MICAL2: variants seen among roughly 807,000 people sequenced by gnomAD.
MICAL2 encodes microtubule associated monooxygenase, calponin and LIM domain containing 2.
A neutral mutation model predicts 127.3 loss-of-function variants in MICAL2; 77 were observed. The observed-to-expected ratio is 0.60, with a 90% CI of 0.50 to 0.73. MICAL2 has a LOEUF of 0.73. Among genes scored for constraint, MICAL2 ranks in the 30% least tolerant of loss-of-function variants. The pLI is 0.00. For missense variants in MICAL2, 1,351 were observed against 1,434.4 expected (o/e 0.94, Z 0.94); for synonymous variants, 570 against 551.1 (o/e 1.03, Z -0.48).
At chr11:12,343,426 T>C (rs1234363835) in intron 32 of MICAL2, among the ~76,000 whole-genome samples, 22 of 70,402 alleles carry the variant, frequency 3.1e-4, no homozygotes, top group African/African-American at 8.8e-4. Flanking sequence ...AAAAAAAAAC[T>C]GTAGCCAATA....
intron 2 of MICAL2, among the ~76,000 whole-genome samples, chr11:12,146,655 G>A (rs940636274): frequency 2.0e-5 from 3 of 152,156 alleles, no homozygotes; most frequent in Non-Finnish European, 2.9e-5. Flanking sequence ...ACAGTGTGGC[G>A]AGTCCTCAAG....
chr11:12,260,255 C>A (rs1217919655), intron 26 of MICAL2: 4 of 1,435,840 alleles, frequency 2.8e-6, no homozygotes, highest in South Asian at 1.5e-5. Context: ...CAGGCTCTGG[C>A]CAGGAAGCCT....
rs753200392 is a variant in MICAL2, at chr11:12,241,043, C to T, written c.2218C>T (p.Arg740Cys). ...TRNPSLMKQE[R>C]RVSGIGKPVL... ...GGACTCGCCTTTCTTCTCCCAGGAA[C>T]GCCGTGTCTCAGGGATAGGTAAGCC... is the stretch of plus-strand genomic sequence containing the variant. The change falls in exon 18 of 28, where the codon CGC becomes TGC. Residue 740 changes from arginine (R) to cysteine (C), a missense_variant. Physicochemically the swap from Arg to Cys is radical, Grantham distance 180 (BLOSUM62 -3). This residue lies in a region of MICAL2 where 752 missense variants were observed against 719.4 expected (regional missense o/e 1.05). Coordinates refer to ENST00000683283, the MANE Select transcript of MICAL2 (RefSeq NM_001282663.2). 2.9e-5 allele frequency: 46 copies of T among 1,613,576 alleles called. No homozygotes were observed. Among genetic ancestry groups the T allele is most frequent in the Admixed American group, 2.8e-4 (17 of 59,914 alleles).
Position 12,131,058 on chromosome 11 carries a change from C to T in MICAL2, c.-148-7332C>T, listed in dbSNP as rs1252383184. 3.1e-5 allele frequency among the ~76,000 whole-genome samples: 3 copies of T among 97,626 alleles called. 1 individual carries two copies. The highest frequency in any genetic ancestry group is 8.7e-5 in the African/African-American group (3 of 34,680). 64.0% of individuals were successfully genotyped at this position (97,626 alleles called of 152,430 possible). A position where few individuals can be genotyped will look rare whatever the true frequency, so the allele number is the denominator to read the frequency against. ...CCTGTAATCCCAGCACTTTGGGAGG[C>T]CGAGGCGGGTGGATCATGAGGTCAG... On this transcript the variant is annotated intron_variant, in intron 1 of 27. Transcript: ENST00000683283.
intron 2 of MICAL2, among the ~76,000 whole-genome samples, chr11:12,158,692 T>C (rs1400626899): frequency 6.6e-6 from 1 of 152,222 alleles, no homozygotes; most frequent in Non-Finnish European, 1.5e-5. Flanking sequence ...TCATTTTATA[T>C]AAGGGACTTG....
intron 1 of MICAL2, among the ~76,000 whole-genome samples, chr11:12,133,969 GA>G (rs1338647227): frequency 6.6e-6 from 1 of 152,234 alleles, no homozygotes; most frequent in Non-Finnish European, 1.5e-5. Flanking sequence ...GCTGTGTGAG[GA>G]AAAGACCCCA....
intron 1 of MICAL2, among the ~76,000 whole-genome samples, chr11:12,133,543 A>C (rs1022677773): frequency 6.6e-6 from 1 of 152,088 alleles, no homozygotes; most frequent in Non-Finnish European, 1.5e-5. Context: ...CAACGATAAT[A>C]TTGTTTAGCA....
Position 12,249,234 on chromosome 11 carries a change from A to C in MICAL2, c.2835A>C (p.Thr945=). ...ATTTTCATCCCAGCCATTTGAGAAC[A>C]GTGCATCCTCAGGTGAGTTAGAGCC... The part of the protein sequence containing the change: ...GFHFHPSHLR[T]VHPQLTVGKV... The change falls in exon 22 of 28, where the codon ACA becomes ACC. Residue 945 remains threonine, a synonymous_variant. Coordinates refer to ENST00000683283, the MANE Select transcript of MICAL2 (RefSeq NM_001282663.2). 6.3e-7 allele frequency: 1 copy of C among 1,594,388 alleles called. No homozygotes were observed. The highest frequency in any genetic ancestry group is 8.6e-7 in the Non-Finnish European group (1 of 1,162,222).
chr11:12,216,371 A>G (rs1488521772), intron 8 of MICAL2, 52 bp downstream of exon 8: 1 of 1,401,718 alleles, frequency 7.1e-7, no homozygotes, highest in Non-Finnish European at 1.0e-6. Flanking sequence ...GGCTGGTGAC[A>G]TCAGCAGGTG....
At chr11:12,329,880 A>AAG (rs1555022496) in intron 32 of MICAL2, among the ~76,000 whole-genome samples, 8 of 148,812 alleles carry the variant, frequency 5.4e-5, no homozygotes, top group African/African-American at 1.7e-4. Context: ...AAAAAAAAAA[A>AAG]AAAGAAAAGA....
At position 12,117,282 on chromosome 11, in the gene MICAL2, C is replaced by T. The variant is rs143720965; in HGVS notation, c.-149+6556C>T. On this transcript the variant is annotated intron_variant, in intron 1 of 27. Transcript: ENST00000683283. Reference sequence around the variant, plus strand: ...GGGGTTGGACGGTGGTCCCTGGCCTCTGAGCCACTGCAACAGCAGGTTTCT... The same window carrying T: ...GGGGTTGGACGGTGGTCCCTGGCCTTTGAGCCACTGCAACAGCAGGTTTCT... Among the ~76,000 whole-genome samples, 948 of 152,304 alleles carry T rather than the reference C, an allele frequency of 6.2e-3. 8 individuals carry two copies. Among genetic ancestry groups the T allele is most frequent in the African/African-American group, 0.021 (856 of 41,550 alleles).
intron 3 of MICAL2, among the ~76,000 whole-genome samples, chr11:12,167,864 G>A (rs1855704811): frequency 6.6e-6 from 1 of 152,148 alleles, no homozygotes; most frequent in African/African-American, 2.4e-5. Context: ...TTATATGTGA[G>A]CTTGAGTAAA....
chr11:12,147,935 C>T (rs554677692), intron 2 of MICAL2, among the ~76,000 whole-genome samples: 43 of 152,280 alleles, frequency 2.8e-4, no homozygotes, highest in Middle Eastern at 3.4e-3. Context: ...CGAATCTGCC[C>T]GACAGCCAGG....
At chr11:12,115,722 T>C (rs1176244843) in intron 1 of MICAL2, among the ~76,000 whole-genome samples, 2 of 152,178 alleles carry the variant, frequency 1.3e-5, no homozygotes, top group African/African-American at 2.4e-5. Context: ...TTTTTAGTAC[T>C]ATTTTTCAAA....
chr11:12,294,441 G>A (rs202002026), downstream of MICAL2: 24 of 1,614,176 alleles, frequency 1.5e-5, no homozygotes, highest in East Asian at 5.1e-4. Flanking sequence ...TCAGCCTTTA[G>A]CCCTCCTGAC....
intron 4 of MICAL2, among the ~76,000 whole-genome samples, chr11:12,205,289 G>C (rs1237169578): frequency 6.6e-6 from 1 of 152,198 alleles, no homozygotes; most frequent in Non-Finnish European, 1.5e-5. Context: ...CAGCTTTGCA[G>C]TGGGGAGGTC....
chr11:12,125,645 T>C (rs1021496273), intron 1 of MICAL2, among the ~76,000 whole-genome samples: 1 of 152,168 alleles, frequency 6.6e-6, no homozygotes, highest in African/African-American at 2.4e-5. Context: ...GAGAAGTGTG[T>C]CTAGTCTGCT....
At chr11:12,313,701 A>C (rs1284843186) in intron 29 of MICAL2, among the ~76,000 whole-genome samples, 1 of 152,030 alleles carries the variant, frequency 6.6e-6, no homozygotes, top group African/African-American at 2.4e-5. Context: ...TATCTTCTAT[A>C]TCCTTGCTGA....
At chr11:12,245,304 C>G (rs1252324115) in intron 21 of MICAL2, among the ~76,000 whole-genome samples, 1 of 152,196 alleles carries the variant, frequency 6.6e-6, no homozygotes, top group Non-Finnish European at 1.5e-5. Flanking sequence ...GCTGCACGTG[C>G]CGCTGCCAGA....
Sources: gnomAD v4.1 joint callset for allele counts (sites outside exome capture counted in the v4.1 genomes callset) on GRCh38, gnomAD v4.1.1 for gene constraint, gnomAD v4.1.1 regional missense constraint, MANE v1.5 for transcripts, NCBI Gene and HGNC (gene_info 2026-07-23, HGNC 2026-07-21) for gene names.